The following LRRC4C variants were observed in gnomAD, a reference collection of about 807,000 sequenced individuals.
LRRC4C encodes the protein leucine-rich repeat-containing protein 4C.
LRRC4C carries 5 observed loss-of-function variants against 33.6 expected under a neutral mutation model. The observed-to-expected ratio is 0.15, with a 90% CI of 0.08 to 0.31. The LOEUF is 0.31. LRRC4C is among the 10% of genes least tolerant of loss of function. The pLI, the probability that LRRC4C is intolerant of heterozygous loss-of-function variation, is 1.00. For synonymous variants in LRRC4C, 329 were observed against 302.0 expected (o/e 1.09, Z -0.93); for missense variants, 560 against 796.7 (o/e 0.70, Z 3.58).
At chr11:41,168,835 G>C (rs1001716775) in intron 1 of LRRC4C, among the ~76,000 whole-genome samples, 1 of 152,168 alleles carries the variant, frequency 6.6e-6, no homozygotes, top group South Asian at 2.1e-4. Flanking sequence ...AATGCCAATG[G>C]TCATCACGGA....
chr11:41,388,599 G>C (rs1262961581), intron 1 of LRRC4C, among the ~76,000 whole-genome samples: 1 of 151,864 alleles, frequency 6.6e-6, no homozygotes, highest in Non-Finnish European at 1.5e-5. Context: ...AGAATCAGTT[G>C]AATTAGCTGA....
chr11:41,260,422 T>C (rs767801124), intron 1 of LRRC4C, among the ~76,000 whole-genome samples: 3 of 151,998 alleles, frequency 2.0e-5, no homozygotes, highest in Non-Finnish European at 4.4e-5. Context: ...ATGAAGATCG[T>C]CTCCGTCCAT....
intron 2 of LRRC4C, among the ~76,000 whole-genome samples, chr11:40,661,731 T>G (rs1943448641): frequency 6.6e-6 from 1 of 152,238 alleles, no homozygotes; most frequent in Non-Finnish European, 1.5e-5. Flanking sequence ...TATTTTTCAC[T>G]TATCCCAAAA....
intron 2 of LRRC4C, among the ~76,000 whole-genome samples, chr11:40,760,798 T>C (rs1209874327): frequency 5.6e-5 from 8 of 142,574 alleles, no homozygotes; most frequent in African/African-American, 2.1e-4. Flanking sequence ...TATATATATA[T>C]ATACACACAC....
intron 5 of LRRC4C, among the ~76,000 whole-genome samples, chr11:40,190,610 A>C (rs1861760422): frequency 1.3e-5 from 2 of 152,344 alleles, no homozygotes; most frequent in Admixed American, 6.5e-5. Flanking sequence ...CGTCTTGCTT[A>C]GATATGCTTT....
At chr11:40,800,493 AAATT>A (rs1950997361) in intron 2 of LRRC4C, among the ~76,000 whole-genome samples, 1 of 152,202 alleles carries the variant, frequency 6.6e-6, no homozygotes, top group Admixed American at 6.5e-5. Flanking sequence ...TACCTTTTTA[AAATT>A]TCAACTCACA....
chr11:40,682,896 T>C (rs540365596), intron 2 of LRRC4C, among the ~76,000 whole-genome samples: 1 of 152,278 alleles, frequency 6.6e-6, no homozygotes, highest in Admixed American at 6.5e-5. Context: ...CTAGATAGGA[T>C]GGAGAATTAG....
At chr11:40,418,427 T>C (rs961967766) in intron 3 of LRRC4C, among the ~76,000 whole-genome samples, 1 of 152,120 alleles carries the variant, frequency 6.6e-6, no homozygotes, top group Admixed American at 6.5e-5. Context: ...CTAATGTCAG[T>C]CAGAATGACA....
At chr11:40,903,550 C>A (rs1333568760) in intron 2 of LRRC4C, among the ~76,000 whole-genome samples, 1 of 152,052 alleles carries the variant, frequency 6.6e-6, no homozygotes, top group African/African-American at 2.4e-5. Flanking sequence ...AATTTTAGAA[C>A]CTTTTGAAAA....
chr11:41,212,159 A>G (rs139010096), intron 1 of LRRC4C, among the ~76,000 whole-genome samples: 203 of 152,376 alleles, frequency 1.3e-3, no homozygotes, highest in Middle Eastern at 6.8e-3. Context: ...TGAAGAAGGC[A>G]TAGTCTTCCT....
intron 1 of LRRC4C, among the ~76,000 whole-genome samples, chr11:41,339,572 C>T (rs542674584): frequency 1.3e-5 from 2 of 152,284 alleles, no homozygotes; most frequent in Non-Finnish European, 2.9e-5. Context: ...TTCTTCAGCA[C>T]CCTCTGCCCA....
chr11:40,480,582 T>C (rs1418668442), intron 3 of LRRC4C, among the ~76,000 whole-genome samples: 4 of 151,780 alleles, frequency 2.6e-5, no homozygotes. Context: ...ACACATAATT[T>C]ACCATATAAC....
chr11:40,650,892 C>G (rs1316901850), intron 2 of LRRC4C, among the ~76,000 whole-genome samples: 1 of 152,084 alleles, frequency 6.6e-6, no homozygotes, highest in Non-Finnish European at 1.5e-5. Flanking sequence ...AAATAGCCAG[C>G]CACAGAAAAC....
At chr11:40,716,105 T>C (rs1228770074) in intron 2 of LRRC4C, among the ~76,000 whole-genome samples, 1 of 151,892 alleles carries the variant, frequency 6.6e-6, no homozygotes, top group Non-Finnish European at 1.5e-5. Flanking sequence ...ATTCTATTTA[T>C]ATAAATTGTA....
intron 2 of LRRC4C, among the ~76,000 whole-genome samples, chr11:40,817,452 A>G (rs1289718586): frequency 6.6e-6 from 1 of 152,196 alleles, no homozygotes; most frequent in Non-Finnish European, 1.5e-5. Context: ...GCGTTGCATC[A>G]TAACGGTTAT....
chr11:41,094,174 C>T (rs1940645264), intron 1 of LRRC4C, among the ~76,000 whole-genome samples: 1 of 151,560 alleles, frequency 6.6e-6, no homozygotes, highest in South Asian at 2.1e-4. Context: ...AAAGCACTTC[C>T]TCTTATTGAC....
intron 2 of LRRC4C, among the ~76,000 whole-genome samples, chr11:40,770,194 C>T (rs1242527239): frequency 6.6e-6 from 1 of 152,134 alleles, no homozygotes; most frequent in Non-Finnish European, 1.5e-5. Flanking sequence ...TGCAGTTTCA[C>T]ATGTTTAGGG....
chr11:41,213,360 G>A (rs755066726), intron 1 of LRRC4C, among the ~76,000 whole-genome samples: 1 of 152,104 alleles, frequency 6.6e-6, no homozygotes, highest in Non-Finnish European at 1.5e-5. Flanking sequence ...ATGCCCACCT[G>A]GGGACCTTTT....
intron 2 of LRRC4C, among the ~76,000 whole-genome samples, chr11:40,781,753 A>C (rs1950219351): frequency 6.6e-6 from 1 of 152,198 alleles, no homozygotes; most frequent in Admixed American, 6.5e-5. Flanking sequence ...TCTATGCTGA[A>C]AATCCTGTCT....
Sources: gnomAD v4.1 joint callset for allele counts (sites outside exome capture counted in the v4.1 genomes callset) on GRCh38, gnomAD v4.1.1 for gene constraint, MANE v1.5 for transcripts, NCBI Gene and HGNC (gene_info 2026-07-23, HGNC 2026-07-21) for gene names.